MCM7: variants seen among roughly 807,000 people sequenced by gnomAD.
The protein encoded by MCM7 is DNA replication licensing factor MCM7.
A neutral mutation model predicts 83.5 loss-of-function variants in MCM7; 95 were observed. The ratio of observed to expected loss-of-function variants is 1.14; its 90% CI spans 0.96 to 1.35. MCM7 has a LOEUF of 1.35. Among genes scored for constraint, MCM7 ranks in the 40% most tolerant of loss-of-function variants. MCM7 has a pLI of 0.00. For synonymous variants in MCM7, 461 were observed against 352.7 expected, an observed-to-expected ratio of 1.31 and a Z score of -3.44; for missense variants, 1,087 against 957.4, an observed-to-expected ratio of 1.14 and a Z score of -1.79.
Position 100,099,644 on chromosome 7 carries a change from G to GC in MCM7, c.220dup (p.Ala74GlyfsTer6), listed in dbSNP as rs764567568. On this transcript the variant is annotated frameshift_variant, in exon 3 of 15. Transcript: ENST00000303887. LOFTEE classifies it high-confidence loss of function. ...TTGTACGGCATCAGCAAAGAGCTTC[G>GC]CGTAGCGCCTGGCATTCTCACAAAT... is the stretch of plus-strand genomic sequence containing the variant. 7.2e-5 allele frequency: 117 copies of GC among 1,613,978 alleles called. No individual in the cohort carries two copies. Among genetic ancestry groups the GC allele is most frequent in the Admixed American group, 6.7e-5 (4 of 59,992 alleles).
chr7:100,096,877 C>T (rs963335271), intron 10 of MCM7, among the ~76,000 whole-genome samples: 3 of 152,236 alleles, frequency 2.0e-5, no homozygotes, highest in Admixed American at 6.5e-5. Flanking sequence ...CCGAGGCGGG[C>T]GGATCACGAG....
intron 5 of MCM7, 39 bp from the exon 6 acceptor site, chr7:100,098,754 G>C: frequency 2.5e-6 from 4 of 1,611,314 alleles, no homozygotes; most frequent in Non-Finnish European, 3.4e-6. Context: ...GAACTCAGAA[G>C]GAAAAGAGCC....
chr7:100,096,068 AG>A lies in MCM7; in HGVS notation c.1300del (p.Leu434TrpfsTer87). 1.9e-6 allele frequency: 3 copies of A among 1,614,072 alleles called. No homozygotes were observed. Among genetic ancestry groups the A allele is most frequent in the Non-Finnish European group, 1.7e-6 (2 of 1,180,002 alleles). On this transcript the variant is annotated frameshift_variant, in exon 11 of 15. Coordinates refer to ENST00000303887, the MANE Select transcript of MCM7 (RefSeq NM_005916.5). LOFTEE classifies it high-confidence loss of function. ...SGELTLEGGA[L>X]VLADQGVCCI... ...GCACACACCCTGGTCAGCCAGCACC[AG>A]GGCCCCACCCTCTAAGGTCAGTTCT...
chr7:100,093,244 C>T (rs771040335), intron 14 of MCM7, 48 bp downstream of exon 14: 1 of 1,597,652 alleles, frequency 6.3e-7, no homozygotes, highest in South Asian at 1.1e-5. Flanking sequence ...AGACACATGG[C>T]CACAGAAGAC....
At chr7:100,094,046 T>G (rs1291518205) in intron 13 of MCM7, 127 bp downstream of exon 13, 1 of 1,183,518 alleles carries the variant, frequency 8.4e-7, no homozygotes, top group Non-Finnish European at 1.3e-6. Context: ...GACCACTATC[T>G]GCACTGTCAG....
At chr7:100,093,456 G>T in intron 13 of MCM7, 55 bp from the exon 14 acceptor site, 1 of 1,500,840 alleles carries the variant, frequency 6.7e-7, no homozygotes, top group Non-Finnish European at 9.3e-7. Flanking sequence ...GTGGAACGAG[G>T]TCAGGGGACA....
intron 9 of MCM7, 113 bp from the exon 10 acceptor site, chr7:100,097,497 CCT>C: frequency 6.3e-7 from 1 of 1,578,076 alleles, no homozygotes. Context: ...CTAAGCCCTC[CCT>C]GTGTCCACGA....
chr7:100,098,295 G>C lies in MCM7; in HGVS notation c.721-5C>G. ...TCCCACAGGCACCTGATCACTCTAG[G>C]GGAGGGAAAGGCACATAAGACTAGG... On this transcript the variant is annotated splice_region_variant and splice_polypyrimidine_tract_variant and intron_variant, in intron 6 of 14. Coordinates refer to ENST00000303887, the MANE Select transcript of MCM7 (RefSeq NM_005916.5). 1 of 1,613,804 alleles carries C rather than the reference G, an allele frequency of 6.2e-7. No individual in the cohort carries two copies. The highest frequency in any genetic ancestry group is 8.5e-7 in the Non-Finnish European group (1 of 1,179,882).
intron 1 of MCM7, chr7:100,100,667 C>A (rs1006520484): frequency 2.0e-6 from 2 of 990,350 alleles, no homozygotes; most frequent in African/African-American, 3.5e-5. Flanking sequence ...CTTTCCCGGG[C>A]CCGAGCGAAG....
In MCM7 at chr7:100,098,309, C is replaced by A. The variant is rs769697655; in HGVS notation, c.721-19G>T. 2.5e-6 allele frequency: 4 copies of A among 1,612,974 alleles called. No individual in the cohort carries two copies. The Admixed American group carries it at 6.7e-5, about 27-fold the overall frequency. On this transcript the variant is annotated intron_variant, in intron 6 of 14. Coordinates refer to ENST00000303887, the MANE Select transcript of MCM7 (RefSeq NM_005916.5). ...GATCACTCTAGGGGAGGGAAAGGCA[C>A]ATAAGACTAGGAGAAATGGACAAGG...
chr7:100,098,546 C>A (rs201734285), intron 6 of MCM7, 32 bp downstream of exon 6: 100 of 1,612,676 alleles, frequency 6.2e-5, no homozygotes, highest in Admixed American at 1.8e-4. Flanking sequence ...ACTCCCGATC[C>A]ACCTGCCCAG....
In MCM7 at chr7:100,092,953, C is replaced by T. The variant is rs201970401; in HGVS notation, c.2139G>A (p.Arg713=). 8 of 1,614,096 alleles carry T rather than the reference C, an allele frequency of 5.0e-6. No individual in the cohort carries two copies. Among genetic ancestry groups the T allele is most frequent in the Non-Finnish European group, 6.8e-6 (8 of 1,180,050 alleles). ...ELNVWQVNAS[R]TRITFV ...GGAATCAGACAAAAGTGATCCGTGT[C>T]CGGGAAGCATTGACCTGCCAGACAT... Residue 713 remains arginine, a synonymous_variant, in exon 15 of 15, where the codon CGG becomes CGA. Transcript: ENST00000303887.
In MCM7 at chr7:100,097,663, G is replaced by A. The variant is rs149763813; in HGVS notation, c.1068C>T (p.Leu356=). Residue 356 remains leucine, a synonymous_variant, in exon 9 of 15, where the codon CTC becomes CTT. Coordinates refer to ENST00000303887, the MANE Select transcript of MCM7 (RefSeq NM_005916.5). ...GHEDVKKALL[L]LLVGGVDQSP... ...ACTGGTCCACACCCCCGACTAGCAG[G>A]AGCAGCAGTGCCTTCTTCACATCTT... 1.7e-5 allele frequency: 27 copies of A among 1,614,162 alleles called. No individual in the cohort carries two copies. The highest frequency in any genetic ancestry group is 3.3e-5 in the Admixed American group (2 of 60,008).
At position 100,095,414 on chromosome 7, in the gene MCM7, A is replaced by T. The variant is rs1002645151; in HGVS notation, c.1652T>A (p.Phe551Tyr). 6.2e-6 allele frequency: 10 copies of T among 1,613,924 alleles called. No homozygotes were observed. Among genetic ancestry groups the T allele is most frequent in the Admixed American group, 1.7e-5 (1 of 59,978 alleles). ...HQHSRQPPSQFEPLDMKLMRR... is the reference protein window; with the variant it reads ...HQHSRQPPSQYEPLDMKLMRR... Reference sequence around the variant, plus strand: ...CATGAGCTTCATGTCCAGAGGTTCAAACTGGGAGGGGGGCTGCCGGCTGTG... The same window carrying T: ...CATGAGCTTCATGTCCAGAGGTTCATACTGGGAGGGGGGCTGCCGGCTGTG... The change falls in exon 12 of 15, where the codon TTT becomes TAT. Residue 551 changes from phenylalanine to tyrosine, a missense_variant. By Grantham distance (22) the Phe-to-Tyr change is conservative (BLOSUM62 3). Transcript: ENST00000303887.
chr7:100,095,823 CA>C lies in MCM7; in HGVS notation c.1545del (p.Phe515LeufsTer6). ...IQLPAALLSR[F>X]DLLWLIQDRP... ...CGGTCCTGAATCAGCCAGAGGAGGT[CA>C]AACCGGGAGAGCAGTGCAGCAGGTA... On this transcript the variant is annotated frameshift_variant, in exon 11 of 15. Coordinates refer to ENST00000303887, the MANE Select transcript of MCM7 (RefSeq NM_005916.5). LOFTEE classifies it high-confidence loss of function. The C allele has an allele frequency of 6.2e-7, 1 of 1,606,050 alleles. No homozygotes were observed.
intron 11 of MCM7, 88 bp downstream of exon 11, chr7:100,095,686 G>A (rs1219939831): frequency 2.7e-6 from 4 of 1,481,814 alleles, no homozygotes; most frequent in East Asian, 2.3e-5. Flanking sequence ...GTTTCCAGGA[G>A]CGTGGAATTT....
chr7:100,100,365 C>T lies in MCM7; in HGVS notation c.32-272G>A, dbSNP rs529758275. On this transcript the variant is annotated intron_variant, in intron 1 of 14. Transcript: ENST00000303887. ...AGTTTAAAATTCTAGCGCCCTTCCC[C>T]GTTGGCCCCTCACACTCCGGTCTCA... The T allele has an allele frequency of 9.9e-6, 11 of 1,113,754 alleles. No individual in the cohort carries two copies. In the African/African-American group the frequency reaches 1.5e-4, roughly 15 times the overall value. 69.0% of individuals were successfully genotyped at this position (1,113,754 alleles called of 1,614,324 possible).
At chr7:100,101,005 A>G (rs867855037) in intron 1 of MCM7, 1 of 820,434 alleles carries the variant, frequency 1.2e-6, no homozygotes. Flanking sequence ...CAGCCGGGTT[A>G]GCGCGCCCCC....
At position 100,095,980 on chromosome 7, in the gene MCM7, C is replaced by T. The variant is rs1413203487; in HGVS notation, c.1389G>A (p.Glu463=). 13 of 1,613,938 alleles carry T rather than the reference C, an allele frequency of 8.1e-6. No individual in the cohort carries two copies. The highest frequency in any genetic ancestry group is 1.3e-5 in the African/African-American group (1 of 74,906). Residue 463 remains glutamate (E), a synonymous_variant, in exon 11 of 15, where the codon GAG becomes GAA. Transcript: ENST00000303887. ...ADRTAIHEVM[E]QQTISIAKAG... is the part of the protein sequence containing the mutation. Reference sequence around the variant, plus strand: ...CCTTGGCAATGGAGATGGTCTGCTGCTCCATGACCTCGTGGATGGCTGTGC... The same window carrying T: ...CCTTGGCAATGGAGATGGTCTGCTGTTCCATGACCTCGTGGATGGCTGTGC...
Sources: gnomAD v4.1 joint callset for allele counts (sites outside exome capture counted in the v4.1 genomes callset) on GRCh38, gnomAD v4.1.1 for gene constraint, MANE v1.5 for transcripts, NCBI Gene and HGNC (gene_info 2026-07-23, HGNC 2026-07-21) for gene names.